Variants in VPS13A observed in about 807,000 individuals in gnomAD.
VPS13A encodes the protein vacuolar protein sorting 13 homolog A.
A neutral mutation model predicts 390.9 loss-of-function variants in VPS13A; 264 were observed. The ratio of observed to expected loss-of-function variants is 0.68; its 90% confidence interval spans 0.61 to 0.75. The LOEUF is 0.75. Among genes scored for constraint, VPS13A ranks in the 30% least tolerant of loss-of-function variants. The probability of loss-of-function intolerance (pLI) is 0.00; values close to 1 mark genes in which losing one functional copy is unlikely to be tolerated. For missense variants in VPS13A, 3,409 were observed against 3,733.9 expected, an observed-to-expected ratio of 0.91 and a Z score of 2.27; for synonymous variants, 1,231 against 1,227.1, an observed-to-expected ratio of 1.00 and a Z score of -0.07.
Position 77,321,635 on chromosome 9 carries a change from T to C in VPS13A, c.5719T>C (p.Tyr1907His). The change falls in exon 44 of 72, where the codon TAT becomes CAT. Residue 1907 changes from tyrosine (Y) to histidine (H), a missense_variant. By Grantham distance (83) the Tyr-to-His change is moderately conservative (BLOSUM62 2). Around this residue, in one of 5 missense-constraint regions of VPS13A, gnomAD observed 2,717 missense variants for 2,917.4 expected, o/e 0.93. Coordinates refer to ENST00000360280, the MANE Select transcript of VPS13A (RefSeq NM_033305.3). Reference sequence around the variant, plus strand: ...ACTCAACATTCCTATGGCAAAATCATATGTATTGAAAAATGGAGAAAGTTT... The same window carrying C: ...ACTCAACATTCCTATGGCAAAATCACATGTATTGAAAAATGGAGAAAGTTT... ...SVLNIPMAKS[Y>H]VLKNGESLSM... 6.2e-7 allele frequency: 1 copy of C among 1,613,406 alleles called. No individual in the cohort carries two copies. Among genetic ancestry groups the C allele is most frequent in the East Asian group, 2.2e-5 (1 of 44,814 alleles).
chr9:77,287,442 C>G (rs994033630), intron 31 of VPS13A, among the ~76,000 whole-genome samples: 26 of 152,014 alleles, frequency 1.7e-4, no homozygotes, highest in African/African-American at 6.0e-4. Context: ...ATCTACCTGC[C>G]TCGGTCTCCC....
intron 28 of VPS13A, 76 bp from the exon 29 acceptor site, chr9:77,282,045 C>T: frequency 6.8e-7 from 1 of 1,475,960 alleles, no homozygotes; most frequent in East Asian, 2.3e-5. Context: ...CTTTATGCCA[C>T]AAAGCATAGT....
intron 11 of VPS13A, 45 bp from the exon 12 acceptor site, chr9:77,220,231 CA>C (rs1470181009): frequency 6.4e-6 from 10 of 1,560,528 alleles, no homozygotes; most frequent in East Asian, 2.3e-5. Context: ...AGCAATTGAA[CA>C]AAAAAATGTG....
chr9:77,371,151 T>C lies in VPS13A; in HGVS notation c.9077+2T>C. On this transcript the variant is annotated splice_donor_variant, in intron 67 of 71. Coordinates refer to ENST00000360280, the MANE Select transcript of VPS13A (RefSeq NM_033305.3). LOFTEE classifies it high-confidence loss of function. ...CAGTACATTTCAGGGAATAAAAAGG[T>C]AAATCCTCTTTGGTGTAAGATATGA... 1 of 1,613,942 alleles carries C rather than the reference T, an allele frequency of 6.2e-7. No homozygotes were observed. Among genetic ancestry groups the C allele is most frequent in the Non-Finnish European group, 8.5e-7 (1 of 1,179,894 alleles).
chr9:77,408,383 A>G (rs906285777), intron 71 of VPS13A, among the ~76,000 whole-genome samples: 36 of 152,224 alleles, frequency 2.4e-4, no homozygotes, highest in African/African-American at 8.0e-4. Flanking sequence ...AAGATGGGTC[A>G]TTTCTGCATT....
rs1169300092 is a variant in VPS13A at position 77,370,280 on chromosome 9, G to A, written c.8691G>A (p.Glu2897=). Residue 2897 remains glutamate, a synonymous_variant, in exon 64 of 72, where the codon GAG becomes GAA. Coordinates refer to ENST00000360280, the MANE Select transcript of VPS13A (RefSeq NM_033305.3). ...PYQGAIQGPE[E]FVEGMALGLK... ...AGGGAGCCATCCAGGGTCCTGAAGAGTTTGTGGAAGGAATGGCACTAGGAC... is the reference window on the plus strand; with the variant it reads ...AGGGAGCCATCCAGGGTCCTGAAGAATTTGTGGAAGGAATGGCACTAGGAC... The A allele has an allele frequency of 1.9e-6, 3 of 1,614,188 alleles. No homozygotes were observed. Among genetic ancestry groups the A allele is most frequent in the South Asian group, 1.1e-5 (1 of 91,082 alleles).
chr9:77,257,732 C>T (rs1462232046), intron 22 of VPS13A, among the ~76,000 whole-genome samples: 1 of 152,148 alleles, frequency 6.6e-6, no homozygotes, highest in African/African-American at 2.4e-5. Context: ...TGTCACTGCA[C>T]TCCAGCTTGG....
At chr9:77,344,075 G>C (rs1435236754) in intron 50 of VPS13A, 78 bp from the exon 51 acceptor site, 1 of 1,320,474 alleles carries the variant, frequency 7.6e-7, no homozygotes, top group East Asian at 2.6e-5. Flanking sequence ...AGTCTATTCT[G>C]ATGGGAATAT....
chr9:77,337,332 A>G lies in VPS13A; in HGVS notation c.6173A>G (p.Asn2058Ser). ...ATTGACTTTGAAGAGATTATAAAAAATGATGGTGCTCTTCTAAAGAAGAAA... is the reference window on the plus strand; with the variant it reads ...ATTGACTTTGAAGAGATTATAAAAAGTGATGGTGCTCTTCTAAAGAAGAAA... Reference protein sequence around the residue: ...EGIDFEEIIKNDGALLKKKCR... With the variant: ...EGIDFEEIIKSDGALLKKKCR... Residue 2058 changes from asparagine (N) to serine (S), a missense_variant, in exon 47 of 72, where the codon AAT becomes AGT. By Grantham distance (46) the Asn-to-Ser change is conservative. Around this residue, in one of 5 missense-constraint regions of VPS13A, gnomAD observed 2,717 missense variants for 2,917.4 expected, o/e 0.93. Transcript: ENST00000360280. 1 of 1,613,058 alleles carries G rather than the reference A, an allele frequency of 6.2e-7. No individual in the cohort carries two copies. The highest frequency in any genetic ancestry group is 8.5e-7 in the Non-Finnish European group (1 of 1,179,400).
intron 46 of VPS13A, among the ~76,000 whole-genome samples, chr9:77,333,654 C>A (rs1830397326): frequency 6.6e-6 from 1 of 151,840 alleles, no homozygotes; most frequent in Admixed American, 6.6e-5. Context: ...TCTAGGTATT[C>A]TTTTAATCTA....
At chr9:77,279,358 C>T (rs1037043020) in intron 26 of VPS13A, among the ~76,000 whole-genome samples, 5 of 152,060 alleles carry the variant, frequency 3.3e-5, no homozygotes, top group African/African-American at 4.8e-5. Flanking sequence ...AGCGTCCGGA[C>T]GTCCACGTCC....
intron 67 of VPS13A, among the ~76,000 whole-genome samples, chr9:77,373,436 T>C (rs1832892161): frequency 7.9e-6 from 1 of 125,838 alleles, no homozygotes; most frequent in Non-Finnish European, 1.8e-5. Context: ...TAGCCATATG[T>C]AGAAAGCTGA....
At chr9:77,319,131 G>C (rs983458393) in intron 41 of VPS13A, among the ~76,000 whole-genome samples, 1 of 150,972 alleles carries the variant, frequency 6.6e-6, no homozygotes, top group South Asian at 2.1e-4. Context: ...GGGAAGTCGA[G>C]GCTGTGGTGA....
Position 77,323,282 on chromosome 9 carries a change from AAAATT to A in VPS13A, c.5991+59_5991+63del, listed in dbSNP as rs10582669. On this transcript the variant is annotated intron_variant, in intron 45 of 71. Coordinates refer to ENST00000360280, the MANE Select transcript of VPS13A (RefSeq NM_033305.3). ...CTGTTATGCATATCTGTGTGCTAAT[AAAATT>A]AAAAACAACAACAACAAATTATTAC... The A allele has an allele frequency of 2.5e-3, 4,027 of 1,583,598 alleles. 84 individuals are homozygous for A. In the African/African-American group the frequency reaches 0.049, roughly 19 times the overall value.
At chr9:77,327,998 A>G (rs374266248) in intron 45 of VPS13A, among the ~76,000 whole-genome samples, 2 of 152,190 alleles carry the variant, frequency 1.3e-5, no homozygotes, top group African/African-American at 4.8e-5. Context: ...AGGAATCACT[A>G]TCTATGGGAG....
At chr9:77,207,123 A>G (rs890249291) in intron 5 of VPS13A, among the ~76,000 whole-genome samples, 3 of 136,534 alleles carry the variant, frequency 2.2e-5, no homozygotes, top group Non-Finnish European at 3.2e-5. Flanking sequence ...TGTCCGGATT[A>G]AAAAAAAAAA....
chr9:77,390,494 C>T (rs1833856338), intron 68 of VPS13A, among the ~76,000 whole-genome samples: 1 of 152,014 alleles, frequency 6.6e-6, no homozygotes, highest in Non-Finnish European at 1.5e-5. Context: ...TAGAACCTTC[C>T]AGTGTTATAT....
At chr9:77,413,169 C>T (rs1835018378) in intron 71 of VPS13A, among the ~76,000 whole-genome samples, 1 of 152,126 alleles carries the variant, frequency 6.6e-6, no homozygotes, top group African/African-American at 2.4e-5. Context: ...GCCCATACTG[C>T]CCAAGGTAAT....
At chr9:77,339,430 G>A in intron 47 of VPS13A, 86 bp from the exon 48 acceptor site, 1 of 1,321,608 alleles carries the variant, frequency 7.6e-7, no homozygotes, top group Non-Finnish European at 1.0e-6. Context: ...ATTTTTTGCA[G>A]CATTTGGAAT....
Sources: allele counts gnomAD v4.1 joint callset (sites outside exome capture counted in the v4.1 genomes callset), GRCh38; gene constraint gnomAD v4.1.1; regional missense constraint gnomAD v4.1.1; transcripts MANE v1.5; gene names NCBI Gene and HGNC (gene_info 2026-07-23, HGNC 2026-07-21).